The following CDK14 variants were observed in gnomAD, a reference collection of about 807,000 sequenced individuals.
The protein encoded by CDK14 is cyclin dependent kinase 14.
Under a neutral mutation model 60.7 loss-of-function variants are expected in CDK14, and 34 were observed. The observed-to-expected ratio is 0.56, with a 90% confidence interval of 0.43 to 0.75. The LOEUF (loss-of-function observed/expected upper bound fraction) is 0.75, where lower values mean the gene tolerates loss of function less well. Among genes scored for constraint, CDK14 ranks in the 30% least tolerant of loss-of-function variants. The pLI is 0.00. For missense variants in CDK14, 482 were observed against 564.1 expected (o/e 0.85, Z 1.47); for synonymous variants, 197 against 203.7 (o/e 0.97, Z 0.28).
At position 90,751,624 on chromosome 7, in the gene CDK14, GCAAC is replaced by G. The variant is rs1008853573; in HGVS notation, c.464+3853_464+3856del. Among the ~76,000 whole-genome samples, 35 of 152,204 alleles carry G rather than the reference GCAAC, an allele frequency of 2.3e-4. No homozygotes were observed. The South Asian group carries it at 2.5e-3, about 11-fold the overall frequency. On this transcript the variant is annotated intron_variant, in intron 4 of 14. Coordinates refer to ENST00000380050, the MANE Select transcript of CDK14 (RefSeq NM_001287135.2). ...GGCACTATACAATAGAAACTATAAT[GCAAC>G]CAAGTAACAACTTCATGATAGGCTC...
chr7:91,111,548 T>C (rs1799468608), intron 12 of CDK14, among the ~76,000 whole-genome samples: 1 of 152,116 alleles, frequency 6.6e-6, no homozygotes, highest in South Asian at 2.1e-4. Flanking sequence ...CACTTTAGAG[T>C]CAAGAAGTTC....
chr7:90,652,698 T>C (rs550961751), intron 2 of CDK14, among the ~76,000 whole-genome samples: 1 of 152,332 alleles, frequency 6.6e-6, no homozygotes, highest in South Asian at 2.1e-4. Context: ...CTGAGCACTT[T>C]ATTTATGTTG....
chr7:90,692,844 T>C (rs1801581529), intron 2 of CDK14: 1 of 159,484 alleles, frequency 6.3e-6, no homozygotes. Flanking sequence ...GCAGGTGACT[T>C]CCACTTTTCA....
Position 90,743,738 on chromosome 7 carries a change from A to AT in CDK14, c.370-3942dup, listed in dbSNP as rs1285181665. Among the ~76,000 whole-genome samples, 27 of 151,520 alleles carry AT rather than the reference A, an allele frequency of 1.8e-4. No homozygotes were observed. The South Asian group carries it at 4.6e-3, about 26-fold the overall frequency. On this transcript the variant is annotated intron_variant, in intron 3 of 14. Transcript: ENST00000380050. The stretch of plus-strand genomic sequence containing the variant: ...TTTTAACATTCATTTTTTATGGGAG[A>AT]TATTAATTTAATCTATTTATTGTTT...
chr7:90,812,621 A>G (rs1386672454), intron 5 of CDK14, among the ~76,000 whole-genome samples: 1 of 152,176 alleles, frequency 6.6e-6, no homozygotes, highest in Non-Finnish European at 1.5e-5. Flanking sequence ...GTATAATAAT[A>G]ATAAAAAAAG....
At chr7:90,915,399 A>G (rs1444240999) in intron 7 of CDK14, among the ~76,000 whole-genome samples, 1 of 152,172 alleles carries the variant, frequency 6.6e-6, no homozygotes, top group African/African-American at 2.4e-5. Flanking sequence ...AGATTGTGCC[A>G]CTGTGCTCCA....
At chr7:90,710,537 T>G (rs1039972458) in intron 2 of CDK14, 3 of 985,226 alleles carry the variant, frequency 3.0e-6, no homozygotes, top group Non-Finnish European at 3.6e-6. Context: ...ATACACCTGC[T>G]TTAAGTGTGT....
chr7:90,992,626 A>G (rs1292318618), intron 10 of CDK14, among the ~76,000 whole-genome samples: 1 of 152,184 alleles, frequency 6.6e-6, no homozygotes, highest in Admixed American at 6.5e-5. Context: ...ATACTTGTTC[A>G]CTGAAGTTTG....
intron 11 of CDK14, among the ~76,000 whole-genome samples, chr7:91,050,034 A>G (rs548140717): frequency 6.6e-6 from 1 of 152,280 alleles, no homozygotes; most frequent in East Asian, 1.9e-4. Flanking sequence ...AGCCAAGAAG[A>G]TATTTGAGGG....
At chr7:90,620,484 C>A (rs1001932791) in intron 2 of CDK14, among the ~76,000 whole-genome samples, 1 of 152,144 alleles carries the variant, frequency 6.6e-6, no homozygotes, top group Non-Finnish European at 1.5e-5. Context: ...CTGGAATCTC[C>A]TTCACCCATC....
intron 2 of CDK14, among the ~76,000 whole-genome samples, chr7:90,634,509 C>T (rs1205062400): frequency 6.6e-6 from 1 of 151,772 alleles, no homozygotes; most frequent in Non-Finnish European, 1.5e-5. Flanking sequence ...ATATGTGCCA[C>T]ATTTTCTTAA....
At chr7:91,037,092 C>A (rs1796953890) in intron 10 of CDK14, among the ~76,000 whole-genome samples, 1 of 152,196 alleles carries the variant, frequency 6.6e-6, no homozygotes, top group African/African-American at 2.4e-5. Flanking sequence ...ATGCAGCTTG[C>A]TGCATGCCAC....
chr7:91,108,075 A>G (rs1478262344), intron 12 of CDK14, among the ~76,000 whole-genome samples: 1 of 152,224 alleles, frequency 6.6e-6, no homozygotes, highest in Non-Finnish European at 1.5e-5. Flanking sequence ...TAGGAGGCTG[A>G]AGCGGGCGGA....
intron 10 of CDK14, among the ~76,000 whole-genome samples, chr7:91,001,396 C>A (rs575893155): frequency 6.6e-6 from 1 of 152,188 alleles, no homozygotes; most frequent in East Asian, 1.9e-4. Context: ...CAGCCTGTCG[C>A]TTCAGATGGT....
chr7:90,787,232 T>G (rs1562769859), intron 4 of CDK14, among the ~76,000 whole-genome samples: 1 of 152,214 alleles, frequency 6.6e-6, no homozygotes, highest in Non-Finnish European at 1.5e-5. Flanking sequence ...TGATTAGTGG[T>G]CTTTGCTCAG....
intron 14 of CDK14, among the ~76,000 whole-genome samples, chr7:91,124,970 A>C (rs757658644): frequency 6.6e-6 from 1 of 152,194 alleles, no homozygotes; most frequent in Non-Finnish European, 1.5e-5. Context: ...TAATACCAGT[A>C]TAGCAGCTGA....
At chr7:90,757,243 TG>T (rs1804109348) in intron 4 of CDK14, among the ~76,000 whole-genome samples, 1 of 133,454 alleles carries the variant, frequency 7.5e-6, no homozygotes, top group African/African-American at 2.8e-5. Context: ...TGTGTGTGTG[TG>T]TGTGTGTCTG....
intron 2 of CDK14, among the ~76,000 whole-genome samples, chr7:90,691,715 C>T (rs1036827950): frequency 1.8e-4 from 27 of 152,094 alleles, no homozygotes; most frequent in Admixed American, 8.5e-4. Context: ...GTGAGAGGCA[C>T]CTACAATAAT....
rs181847836 is a variant in CDK14, at chr7:90,917,554, G to A, written c.703-47G>A. 1.2e-3 allele frequency: 1,974 copies of A among 1,594,344 alleles called. 47 individuals carry two copies. In the Admixed American group the frequency reaches 0.03, roughly 25 times the overall value. ...CTTAGCAGACTGTATGTAGAAACTG[G>A]CATTTATCTGTGTTCTGATTTTAAC... On this transcript the variant is annotated intron_variant, in intron 7 of 14. Transcript: ENST00000380050.
Sources: allele counts gnomAD v4.1 joint callset (sites outside exome capture counted in the v4.1 genomes callset), GRCh38; gene constraint gnomAD v4.1.1; transcripts MANE v1.5; gene names NCBI Gene and HGNC (gene_info 2026-07-23, HGNC 2026-07-21).